E4F1: variants seen among roughly 807,000 people sequenced by gnomAD.
E4F1 encodes transcription factor E4F1.
In E4F1, 30 loss-of-function variants were observed where a neutral mutation model predicts 72.9. That is an observed-to-expected ratio of 0.41 (90% confidence interval 0.31 to 0.56). The LOEUF (loss-of-function observed/expected upper bound fraction) is 0.56, where lower values mean the gene tolerates loss of function less well. Among genes scored for constraint, E4F1 ranks in the 20% least tolerant of loss-of-function variants. The pLI is 0.25. For missense variants in E4F1, 1,091 were observed against 1,117.5 expected, an observed-to-expected ratio of 0.98 and a Z score of 0.34; for synonymous variants, 542 against 478.2, an observed-to-expected ratio of 1.13 and a Z score of -1.74.
Position 2,232,529 on chromosome 16 carries a change from C to A in E4F1, c.683C>A (p.Ser228Tyr), listed in dbSNP as rs760795331. The change falls in exon 5 of 14, where the codon TCC becomes TAC. Residue 228 changes from serine to tyrosine, a missense_variant. Ser to Tyr is a moderately radical substitution (Grantham distance 144). Coordinates refer to ENST00000301727, the MANE Select transcript of E4F1 (RefSeq NM_004424.5). Reference sequence around the variant, plus strand: ...CACGAGTGCAAGCTCTGTGGGGCCTCCTTCCGCACCAAGGGCTCACTCATC... The same window carrying A: ...CACGAGTGCAAGCTCTGTGGGGCCTACTTCCGCACCAAGGGCTCACTCATC... ...KDHECKLCGA[S>Y]FRTKGSLIRH... 1.9e-6 allele frequency: 3 copies of A among 1,612,180 alleles called. No homozygotes were observed. The highest frequency in any genetic ancestry group is 1.7e-5 in the Admixed American group (1 of 59,936).
chr16:2,235,259 A>C lies in E4F1; in HGVS notation c.2042A>C (p.Gln681Pro). ...IMKVVQQIVHQASAGHQIIVQ... is the reference protein window; with the variant it reads ...IMKVVQQIVHPASAGHQIIVQ... ...AAGGTGGTGCAGCAGATCGTGCACC[A>C]GGCTAGCGCCGGCCACCAGATCATC... The change falls in exon 14 of 14, where the codon CAG becomes CCG. Residue 681 changes from glutamine (Q) to proline (P), a missense_variant. Around this residue, in one of 5 missense-constraint regions of E4F1, gnomAD observed 622 missense variants for 628.0 expected, o/e 0.99. Transcript: ENST00000301727. 1 of 1,610,922 alleles carries C rather than the reference A, an allele frequency of 6.2e-7. No homozygotes were observed. The highest frequency in any genetic ancestry group is 8.5e-7 in the Non-Finnish European group (1 of 1,179,652).
intron 3 of E4F1, 36 bp from the exon 4 acceptor site, chr16:2,232,135 C>A (rs769258837): frequency 3.1e-6 from 5 of 1,602,822 alleles, no homozygotes; most frequent in Non-Finnish European, 3.4e-6. Flanking sequence ...TGGACAGGGG[C>A]AGGTCCTGGG....
intron 1 of E4F1, 177 bp from the exon 2 acceptor site, chr16:2,228,195 G>A (rs1208127537): frequency 2.6e-5 from 21 of 812,058 alleles, no homozygotes; most frequent in African/African-American, 5.1e-5. Flanking sequence ...GATAGGGGCT[G>A]TACCTTGGGA....
chr16:2,228,570 G>C (rs1291596458), intron 2 of E4F1, 47 bp downstream of exon 2: 1 of 1,589,738 alleles, frequency 6.3e-7, no homozygotes. Flanking sequence ...TCACCTGACA[G>C]GTGGGGGAGG....
At position 2,223,675 on chromosome 16, in the gene E4F1, C is replaced by T; in HGVS notation, c.62C>T (p.Ala21Val). 1 of 1,581,968 alleles carries T rather than the reference C, an allele frequency of 6.3e-7. No homozygotes were observed. Reference protein sequence around the residue: ...AAHTAEAQAEAGREAGEGAVA... With the variant: ...AAHTAEAQAEVGREAGEGAVA... ...CATACGGCAGAAGCCCAGGCCGAAG[C>T]CGGGCGGGAAGCGGGCGAGGGTGCA... is the stretch of plus-strand genomic sequence containing the variant. The change falls in exon 1 of 14, where the codon GCC becomes GTC. Residue 21 changes from alanine to valine, a missense_variant. Around this residue, in one of 5 missense-constraint regions of E4F1, gnomAD observed 362 missense variants for 358.6 expected, o/e 1.01. Coordinates refer to ENST00000301727, the MANE Select transcript of E4F1 (RefSeq NM_004424.5).
chr16:2,235,433 C>A lies in E4F1; in HGVS notation c.2216C>A (p.Ala739Asp). 1 of 1,612,576 alleles carries A rather than the reference C, an allele frequency of 6.2e-7. No homozygotes were observed. The highest frequency in any genetic ancestry group is 8.5e-7 in the Non-Finnish European group (1 of 1,179,922). The change falls in exon 14 of 14, where the codon GCC (alanine) becomes GAC (aspartate). Residue 739 changes from alanine to aspartate, a missense_variant. Transcript: ENST00000301727. Reference protein sequence around the residue: ...SAISEGTVLAARAGTSGTEQA... With the variant: ...SAISEGTVLADRAGTSGTEQA... The stretch of plus-strand genomic sequence containing the variant: ...ATCAGCGAGGGCACTGTGCTTGCCG[C>A]CCGGGCAGGGACAAGTGGCACTGAA...
In E4F1 at chr16:2,233,633, C is replaced by T. The variant is rs1391012568; in HGVS notation, c.1252C>T (p.Gln418Ter). The change falls in exon 8 of 14, where the codon CAG (glutamine) becomes TAG (stop). Residue 418 changes from glutamine to a stop codon, truncating the protein, a stop_gained. Coordinates refer to ENST00000301727, the MANE Select transcript of E4F1 (RefSeq NM_004424.5). LOFTEE classifies it high-confidence loss of function. Reference protein sequence around the residue: ...AAPQLPVLEVQPLETQVASEA... With the variant: ...AAPQLPVLEV ...CCCGCAGCTGCCGGTACTGGAAGTG[C>T]AGCCGCTGGAGACAGTAGGTGCCAG... 3 of 1,521,618 alleles carry T rather than the reference C, an allele frequency of 2.0e-6. No homozygotes were observed. Among genetic ancestry groups the T allele is most frequent in the Non-Finnish European group, 1.8e-6 (2 of 1,134,398 alleles). 94.3% of individuals were successfully genotyped at this position (1,521,618 alleles called of 1,614,324 possible).
Position 2,234,869 on chromosome 16 carries a change from G to C in E4F1, c.1803G>C (p.Leu601=). The C allele has an allele frequency of 6.5e-7, 1 of 1,550,048 alleles. No homozygotes were observed. Among genetic ancestry groups the C allele is most frequent in the South Asian group, 1.2e-5 (1 of 84,090 alleles). The part of the protein sequence containing the change: ...NRHLRTKGGC[L]LEVEELLVSE... ...AGTCCCCACCCACAGGGGGCTGCCT[G>C]CTGGAGGTGGAGGAGTTGCTGGTGT... is the stretch of plus-strand genomic sequence containing the variant. The change falls in exon 12 of 14, where the codon CTG becomes CTC. Residue 601 remains leucine, a synonymous_variant. Coordinates refer to ENST00000301727, the MANE Select transcript of E4F1 (RefSeq NM_004424.5).
At chr16:2,227,358 C>T (rs967134065) in intron 1 of E4F1, among the ~76,000 whole-genome samples, 4 of 151,640 alleles carry the variant, frequency 2.6e-5, no homozygotes, top group Non-Finnish European at 5.9e-5. Flanking sequence ...TACAGGCATG[C>T]GCCACCAAGC....
intron 1 of E4F1, 154 bp downstream of exon 1, chr16:2,223,924 C>T: frequency 6.5e-7 from 1 of 1,530,292 alleles, no homozygotes; most frequent in South Asian, 1.2e-5. Context: ...TCCACGAAAC[C>T]CCCAGGTTTG....
chr16:2,228,455 G>C lies in E4F1; in HGVS notation c.241G>C (p.Ala81Pro), dbSNP rs748906678. ...EDFVQHKIQK[A>P]CQRAPPEALP... ...TTTTGTTCAGCACAAGATTCAGAAGGCCTGCCAGCGGGCCCCTCCGGAGGC... is the reference window on the plus strand; with the variant it reads ...TTTTGTTCAGCACAAGATTCAGAAGCCCTGCCAGCGGGCCCCTCCGGAGGC... Residue 81 changes from alanine to proline, a missense_variant, in exon 2 of 14, where the codon GCC (alanine) becomes CCC (proline). Ala to Pro is a conservative substitution (Grantham distance 27). This residue lies in a region of E4F1 where 362 missense variants were observed against 358.6 expected (regional missense o/e 1.01). Coordinates refer to ENST00000301727, the MANE Select transcript of E4F1 (RefSeq NM_004424.5). The C allele has an allele frequency of 6.2e-7, 1 of 1,613,412 alleles. No homozygotes were observed. Among genetic ancestry groups the C allele is most frequent in the Non-Finnish European group, 8.5e-7 (1 of 1,180,008 alleles).
At position 2,232,853 on chromosome 16, in the gene E4F1, A is replaced by G; in HGVS notation, c.828A>G (p.Lys276=). 1 of 1,613,472 alleles carries G rather than the reference A, an allele frequency of 6.2e-7. No homozygotes were observed. Among genetic ancestry groups the G allele is most frequent in the African/African-American group, 1.3e-5 (1 of 75,050 alleles). Residue 276 remains lysine, a synonymous_variant, in exon 6 of 14, where the codon AAA becomes AAG. Transcript: ENST00000301727. ...AGTCTCTCACCCCCTGCACAGAGAA[A>G]ATCCGCTTCAGTGTGAGCAAGGACG... ...HLKSLTPCTE[K]IRFSVSKDVV...
At position 2,233,437 on chromosome 16, in the gene E4F1, G is replaced by GC. The variant is rs2093481201; in HGVS notation, c.1062dup (p.Val355ArgfsTer14). The GC allele has an allele frequency of 2.6e-6, 4 of 1,510,542 alleles. No individual in the cohort carries two copies. The highest frequency in any genetic ancestry group is 1.4e-5 in the African/African-American group (1 of 71,866). 93.6% of individuals were successfully genotyped at this position (1,510,542 alleles called of 1,614,324 possible). ...GCCTCCTCTCTCTGCCTCCCCTGCA[G>GC]CCCCCCGTCTCCCAGGAGCTCCCCT... On this transcript the variant is annotated frameshift_variant and splice_region_variant. Coordinates refer to ENST00000301727, the MANE Select transcript of E4F1 (RefSeq NM_004424.5). LOFTEE classifies it high-confidence loss of function.
chr16:2,229,712 C>G (rs2093455273), intron 3 of E4F1, 37 bp downstream of exon 3: 2 of 1,605,138 alleles, frequency 1.2e-6, no homozygotes, highest in African/African-American at 2.7e-5. Flanking sequence ...CCTGATAGAC[C>G]TTCGTGGTTG....
chr16:2,233,837 G>T, intron 8 of E4F1, 45 bp from the exon 9 acceptor site: 1 of 1,517,348 alleles, frequency 6.6e-7, no homozygotes, highest in African/African-American at 1.4e-5. Context: ...TACTGCCAGG[G>T]CACAGCCTGC....
rs150753552 is a variant in E4F1, at chr16:2,233,897, G to A, written c.1282G>A (p.Ala428Thr). The change falls in exon 9 of 14, where the codon GCC (alanine) becomes ACC (threonine). Residue 428 changes from alanine to threonine, a missense_variant. Ala to Thr is a moderately conservative substitution (Grantham distance 58). Coordinates refer to ENST00000301727, the MANE Select transcript of E4F1 (RefSeq NM_004424.5). The stretch of plus-strand genomic sequence containing the variant: ...GGTTCCCCAGCAGGTGGCCAGCGAG[G>A]CCTCAGCGGTGCCCAGGACCCACCC... Reference protein sequence around the residue: ...QPLETQVASEASAVPRTHPCP... With the variant: ...QPLETQVASETSAVPRTHPCP... 4.4e-6 allele frequency: 7 copies of A among 1,597,908 alleles called. No individual in the cohort carries two copies. In the African/African-American group the frequency reaches 6.7e-5, roughly 15 times the overall value.
chr16:2,224,030 C>T, intron 1 of E4F1: 14 of 1,377,244 alleles, frequency 1.0e-5, no homozygotes, highest in Non-Finnish European at 1.3e-5. Flanking sequence ...CCCCCGGGCG[C>T]CCGGTGTAGA....
At position 2,232,911 on chromosome 16, in the gene E4F1, C is replaced by G; in HGVS notation, c.883+3C>G. The G allele has an allele frequency of 6.2e-7, 1 of 1,613,244 alleles. No homozygotes were observed. Among genetic ancestry groups the G allele is most frequent in the Non-Finnish European group, 8.5e-7 (1 of 1,179,998 alleles). On this transcript the variant is annotated splice_donor_region_variant and intron_variant, in intron 6 of 13. Coordinates refer to ENST00000301727, the MANE Select transcript of E4F1 (RefSeq NM_004424.5). ...CAGCAAAGAGGACGCACGTGCAGGT[C>G]AGCATGGTGCGGGCAGCTGCCTGGT...
intron 1 of E4F1, among the ~76,000 whole-genome samples, chr16:2,226,830 C>T (rs748984863): frequency 5.9e-5 from 9 of 152,166 alleles, no homozygotes; most frequent in Non-Finnish European, 1.2e-4. Flanking sequence ...GACCGGGGTC[C>T]GGCACAGCAA....
Sources: allele counts gnomAD v4.1 joint callset (sites outside exome capture counted in the v4.1 genomes callset), GRCh38; gene constraint gnomAD v4.1.1; regional missense constraint gnomAD v4.1.1; transcripts MANE v1.5; gene names NCBI Gene and HGNC (gene_info 2026-07-23, HGNC 2026-07-21).